MDFIC2: variants seen among roughly 807,000 people sequenced by gnomAD.
MDFIC2 encodes MyoD family inhibitor domain containing 2, also known as myoD family inhibitor domain-containing protein 2.
chr3:70,262,125 G>A (rs1235798614), intron 2 of MDFIC2, among the ~76,000 whole-genome samples: 2 of 152,132 alleles, frequency 1.3e-5, no homozygotes, highest in Non-Finnish European at 2.9e-5. Context: ...CCTTCTATGT[G>A]TGTTGAGCAG....
intron 2 of MDFIC2, among the ~76,000 whole-genome samples, chr3:70,217,350 T>C (rs1010330546): frequency 2.0e-5 from 3 of 152,132 alleles, no homozygotes; most frequent in African/African-American, 7.2e-5. Context: ...AAAATATTTA[T>C]TGATTTGTGT....
chr3:70,254,239 T>C (rs1240677025), intron 2 of MDFIC2, among the ~76,000 whole-genome samples: 4 of 150,820 alleles, frequency 2.7e-5, no homozygotes, highest in Non-Finnish European at 6.0e-5. Flanking sequence ...ATTTGAATTC[T>C]GTTAAGTTTA....
At position 70,227,211 on chromosome 3, in the gene MDFIC2, A is replaced by G. The variant is rs982316075; in HGVS notation, c.89-20421T>C. Among the ~76,000 whole-genome samples the G allele has an allele frequency of 9.9e-5, 15 of 152,188 alleles. No homozygotes were observed. The East Asian group carries it at 2.9e-3, about 29-fold the overall frequency. On this transcript the variant is annotated intron_variant, in intron 2 of 3. Transcript: ENST00000567252. ...CATGATGGAGGATGAATTAGAAAGGAAATAGACTGGATTATAGTTGTTCTT... is the reference window on the plus strand; with the variant it reads ...CATGATGGAGGATGAATTAGAAAGGGAATAGACTGGATTATAGTTGTTCTT...
At chr3:70,276,617 A>C (rs1702029181) in intron 2 of MDFIC2, among the ~76,000 whole-genome samples, 1 of 152,188 alleles carries the variant, frequency 6.6e-6, no homozygotes, top group Non-Finnish European at 1.5e-5. Context: ...ACCTTTGTTT[A>C]CCTTCTAATA....
At chr3:70,245,717 ACATT>A (rs1701702017) in intron 2 of MDFIC2, among the ~76,000 whole-genome samples, 2 of 136,906 alleles carry the variant, frequency 1.5e-5, no homozygotes, top group South Asian at 4.7e-4. Context: ...ATATATATAC[ACATT>A]CAAATGCAAA....
intron 2 of MDFIC2, among the ~76,000 whole-genome samples, chr3:70,261,843 G>A (rs1262494648): frequency 6.6e-6 from 1 of 152,136 alleles, no homozygotes; most frequent in Non-Finnish European, 1.5e-5. Context: ...GAACCTGAAT[G>A]CCCGAACCCT....
intron 2 of MDFIC2, among the ~76,000 whole-genome samples, chr3:70,264,459 A>C (rs558291963): frequency 6.6e-6 from 1 of 152,346 alleles, no homozygotes; most frequent in African/African-American, 2.4e-5. Context: ...AACAGATCAC[A>C]AGGATCAATG....
At chr3:70,244,956 A>G (rs1449070468) in intron 2 of MDFIC2, among the ~76,000 whole-genome samples, 4 of 152,166 alleles carry the variant, frequency 2.6e-5, no homozygotes, top group Non-Finnish European at 5.9e-5. Flanking sequence ...AATTATATAT[A>G]TAAAAATCAT....
At chr3:70,225,291 T>TATAAATATAATTCA (rs1701493137) in intron 2 of MDFIC2, among the ~76,000 whole-genome samples, 1 of 152,220 alleles carries the variant, frequency 6.6e-6, no homozygotes, top group South Asian at 2.1e-4. Context: ...CTCTTCAGTG[T>TATAAATATAATTCA]GAGAATTATA....
chr3:70,248,634 T>G (rs1575606237), intron 2 of MDFIC2, among the ~76,000 whole-genome samples: 1 of 152,260 alleles, frequency 6.6e-6, no homozygotes, highest in East Asian at 1.9e-4. Flanking sequence ...TTTAGGCTTT[T>G]ACAATCAACA....
chr3:70,285,652 G>A (rs1171147317), intron 2 of MDFIC2, among the ~76,000 whole-genome samples: 5 of 150,424 alleles, frequency 3.3e-5, no homozygotes, highest in African/African-American at 1.2e-4. Flanking sequence ...CACAATGGTT[G>A]AACTAGTTTA....
intron 2 of MDFIC2, among the ~76,000 whole-genome samples, chr3:70,221,729 T>A (rs1274414009): frequency 6.6e-6 from 1 of 152,164 alleles, no homozygotes; most frequent in Non-Finnish European, 1.5e-5. Context: ...AGATCTTGGA[T>A]GATAAGGAAA....
chr3:70,308,333 A>C (rs1702422474), intron 2 of MDFIC2, among the ~76,000 whole-genome samples: 1 of 152,086 alleles, frequency 6.6e-6, no homozygotes, highest in Non-Finnish European at 1.5e-5. Flanking sequence ...CTGAGATTAT[A>C]GGCATGAGTC....
chr3:70,293,677 T>A (rs1307845501), intron 2 of MDFIC2, among the ~76,000 whole-genome samples: 2 of 152,098 alleles, frequency 1.3e-5, no homozygotes, highest in Non-Finnish European at 2.9e-5. Flanking sequence ...CCATTTTCTC[T>A]TTCCAGAAAA....
At chr3:70,258,553 T>C (rs1701838660) in intron 2 of MDFIC2, among the ~76,000 whole-genome samples, 2 of 152,158 alleles carry the variant, frequency 1.3e-5, no homozygotes, top group African/African-American at 4.8e-5. Context: ...TAAGTTAGTA[T>C]GATCTGAATT....
chr3:70,208,056 A>G (rs1701309361), intron 2 of MDFIC2, among the ~76,000 whole-genome samples: 1 of 152,066 alleles, frequency 6.6e-6, no homozygotes, highest in African/African-American at 2.4e-5. Flanking sequence ...TATAAAAGAG[A>G]AGCATATCAT....
At chr3:70,289,940 T>G (rs1702214436) in intron 2 of MDFIC2, among the ~76,000 whole-genome samples, 2 of 152,016 alleles carry the variant, frequency 1.3e-5, no homozygotes, top group Non-Finnish European at 1.5e-5. Context: ...TCTCTATTGG[T>G]TATTCTAGTT....
intron 2 of MDFIC2, chr3:70,272,202 T>G (rs1701982260): frequency 6.6e-6 from 1 of 152,198 alleles, no homozygotes; most frequent in Non-Finnish European, 1.5e-5. Flanking sequence ...TAGTGGGGGT[T>G]TGACAAAAGT....
chr3:70,266,848 C>T (rs1389096337), intron 2 of MDFIC2, among the ~76,000 whole-genome samples: 2 of 152,154 alleles, frequency 1.3e-5, no homozygotes, highest in Non-Finnish European at 2.9e-5. Flanking sequence ...ATATAGTGAA[C>T]ACCATTAAGG....
Sources: gnomAD v4.1 joint callset for allele counts (sites outside exome capture counted in the v4.1 genomes callset) on GRCh38, gnomAD v4.1.1 for gene constraint, MANE v1.5 for transcripts, NCBI Gene and HGNC (gene_info 2026-07-23, HGNC 2026-07-21) for gene names.